ERICH1: variants seen among roughly 807,000 people sequenced by gnomAD.
ERICH1 encodes the protein glutamate-rich protein 1.
Under a neutral mutation model 39.6 loss-of-function variants are expected in ERICH1, and 56 were observed. The ratio of observed to expected loss-of-function variants is 1.41; its 90% CI spans 1.14 to 1.77. The LOEUF (loss-of-function observed/expected upper bound fraction) is 1.77. Among genes scored for constraint, ERICH1 ranks in the 40% most tolerant of loss-of-function variants. ERICH1 has a pLI of 0.00. For synonymous variants in ERICH1, 313 were observed against 223.6 expected (o/e 1.40, Z -3.57); for missense variants, 826 against 575.4 (o/e 1.44, Z -4.45).
At chr8:685,915 C>CA (rs1807225890) in intron 3 of ERICH1, among the ~76,000 whole-genome samples, 1 of 150,492 alleles carries the variant, frequency 6.6e-6, no homozygotes, top group African/African-American at 2.4e-5. Flanking sequence ...GAGGCCAAGG[C>CA]AAGCAGATCA....
At chr8:678,359 C>A (rs1462811206) in intron 3 of ERICH1, among the ~76,000 whole-genome samples, 1 of 152,020 alleles carries the variant, frequency 6.6e-6, no homozygotes, top group East Asian at 1.9e-4. Context: ...GGATACTGCA[C>A]ACAACGACAT....
At chr8:715,786 T>C in intron 2 of ERICH1, 75 bp downstream of exon 2, 2 of 1,533,516 alleles carry the variant, frequency 1.3e-6, no homozygotes, top group South Asian at 1.3e-5. Flanking sequence ...AAAAGACACA[T>C]TCTCCAAGGC....
chr8:659,945 C>G (rs1801169269), downstream of ERICH1, among the ~76,000 whole-genome samples: 1 of 152,222 alleles, frequency 6.6e-6, no homozygotes, highest in South Asian at 2.1e-4. Flanking sequence ...GTCCGTCTCC[C>G]TTCCTTTGTG....
intron 4 of ERICH1, among the ~76,000 whole-genome samples, chr8:673,083 T>C (rs912886959): frequency 3.3e-5 from 5 of 152,270 alleles, no homozygotes; most frequent in Non-Finnish European, 5.9e-5. Flanking sequence ...ACATCATCGG[T>C]GGAAAGCACA....
intron 1 of ERICH1, among the ~76,000 whole-genome samples, chr8:718,339 G>A (rs1368962143): frequency 6.6e-6 from 1 of 152,068 alleles, no homozygotes; most frequent in African/African-American, 2.4e-5. Flanking sequence ...GGCAGATTTC[G>A]GAGCTAAAAG....
chr8:626,232 T>C (rs1271518467), intron 3 of ERICH1: 1 of 152,174 alleles, frequency 6.6e-6, no homozygotes, highest in African/African-American at 2.4e-5. Context: ...TGCTGGGAGT[T>C]AGGCCTGAGT....
At chr8:627,909 G>A (rs754094772) in intron 3 of ERICH1, among the ~76,000 whole-genome samples, 2 of 152,154 alleles carry the variant, frequency 1.3e-5, no homozygotes, top group East Asian at 1.9e-4. Flanking sequence ...TAGTCCCCTC[G>A]GGAAGGGGAG....
intron 2 of ERICH1, among the ~76,000 whole-genome samples, chr8:702,672 G>A (rs554964828): frequency 2.0e-5 from 3 of 152,262 alleles, no homozygotes; most frequent in Admixed American, 6.5e-5. Context: ...CAGGTTCCGT[G>A]ACAGGCGAAG....
chr8:706,476 A>G (rs1323025273), intron 2 of ERICH1, among the ~76,000 whole-genome samples: 1 of 152,186 alleles, frequency 6.6e-6, no homozygotes, highest in African/African-American at 2.4e-5. Flanking sequence ...GGAAGGAAAA[A>G]TATAAAAAAA....
intron 3 of ERICH1, among the ~76,000 whole-genome samples, chr8:687,080 C>G (rs1695817107): frequency 6.6e-6 from 1 of 152,246 alleles, no homozygotes; most frequent in South Asian, 2.1e-4. Flanking sequence ...GGATGTTTAA[C>G]TCAAACGGAA....
chr8:708,691 T>TG (rs55817321), intron 2 of ERICH1, among the ~76,000 whole-genome samples: 32,525 of 89,240 alleles, frequency 0.36, 5,838 homozygotes, highest in Non-Finnish European at 0.45. Context: ...GTTTTTTTTT[T>TG]TTTTTTTTTT....
At chr8:623,284 A>G (rs1353898284) in intron 3 of ERICH1, among the ~76,000 whole-genome samples, 1 of 152,210 alleles carries the variant, frequency 6.6e-6, no homozygotes, top group Non-Finnish European at 1.5e-5. Flanking sequence ...ATAAAGTACA[A>G]AAACCATGTG....
intron 2 of ERICH1, among the ~76,000 whole-genome samples, chr8:711,958 T>A (rs1478464002): frequency 6.6e-6 from 1 of 152,240 alleles, no homozygotes; most frequent in East Asian, 1.9e-4. Flanking sequence ...GTGGTATTTA[T>A]GTGGGTCTAT....
intron 1 of ERICH1, among the ~76,000 whole-genome samples, chr8:719,483 C>T (rs1394792441): frequency 3.3e-5 from 5 of 152,240 alleles, no homozygotes; most frequent in South Asian, 2.1e-4. Context: ...CTGACGCCCG[C>T]GGTCGCCCGC....
At chr8:693,322 T>C (rs926377537) in intron 2 of ERICH1, among the ~76,000 whole-genome samples, 2 of 152,254 alleles carry the variant, frequency 1.3e-5, no homozygotes, top group Admixed American at 6.5e-5. Flanking sequence ...ATATAAGTTA[T>C]ACATTTGTAT....
At chr8:699,977 GCACACGCGCACAGACCCT>G (rs1266507097) in intron 2 of ERICH1, among the ~76,000 whole-genome samples, 16 of 122,482 alleles carry the variant, frequency 1.3e-4, no homozygotes, top group African/African-American at 1.9e-4. Flanking sequence ...GCACAGACCC[GCACACGCGCACAGACCCT>G]CACAGGCGCA....
At chr8:710,479 T>C (rs28455516) in intron 2 of ERICH1, among the ~76,000 whole-genome samples, 36,592 of 99,772 alleles carry the variant, frequency 0.37, 5,414 homozygotes, top group Non-Finnish European at 0.44. Context: ...ACCTGCTCCT[T>C]CCAGTCCTCG....
At chr8:637,978 T>A (rs1458575649) in intron 3 of ERICH1, among the ~76,000 whole-genome samples, 1 of 152,242 alleles carries the variant, frequency 6.6e-6, no homozygotes, top group Non-Finnish European at 1.5e-5. Flanking sequence ...AACAAGCCAC[T>A]AAGTTCTGTG....
At chr8:642,336 C>CTT (rs33990765) in intron 3 of ERICH1, among the ~76,000 whole-genome samples, 3 of 60,468 alleles carry the variant, frequency 5.0e-5, no homozygotes, top group Admixed American at 2.6e-4. Flanking sequence ...ATGGTCTGGA[C>CTT]TTTTTTTTTT....
Sources: allele counts gnomAD v4.1 joint callset (sites outside exome capture counted in the v4.1 genomes callset), GRCh38; gene constraint gnomAD v4.1.1; transcripts MANE v1.5; gene names NCBI Gene and HGNC (gene_info 2026-07-23, HGNC 2026-07-21).